Variants in CNTN4 observed in about 807,000 individuals in gnomAD.
CNTN4 encodes the protein contactin 4.
CNTN4 carries 77 observed loss-of-function variants against 122.5 expected under a neutral mutation model. The ratio of observed to expected loss-of-function variants is 0.63; its 90% CI spans 0.52 to 0.76. The LOEUF is 0.76. CNTN4 is among the 30% of genes least tolerant of loss of function. The pLI, the probability that CNTN4 is intolerant of heterozygous loss-of-function variation, is 0.00. For synonymous variants in CNTN4, 512 were observed against 447.0 expected (o/e 1.15, Z -1.83); for missense variants, 1,256 against 1,259.1 (o/e 1.00, Z 0.04).
At chr3:2,394,228 A>G (rs2046553251) in intron 3 of CNTN4, among the ~76,000 whole-genome samples, 1 of 152,124 alleles carries the variant, frequency 6.6e-6, no homozygotes, top group African/African-American at 2.4e-5. Flanking sequence ...GAGTAAAGGA[A>G]GCCCCTAGAG....
At chr3:2,648,424 C>T (rs1051488130) in intron 4 of CNTN4, among the ~76,000 whole-genome samples, 5 of 152,160 alleles carry the variant, frequency 3.3e-5, no homozygotes, top group Admixed American at 3.3e-4. Flanking sequence ...CTCAGTGTCA[C>T]ATTTTTGTAA....
chr3:2,169,815 C>G (rs2036389114), intron 2 of CNTN4, among the ~76,000 whole-genome samples: 1 of 152,126 alleles, frequency 6.6e-6, no homozygotes, highest in Admixed American at 6.5e-5. Flanking sequence ...TATCAATGCT[C>G]TTAGTCAACA....
intron 3 of CNTN4, among the ~76,000 whole-genome samples, chr3:2,422,168 C>T (rs1355247694): frequency 3.9e-5 from 6 of 152,190 alleles, no homozygotes; most frequent in African/African-American, 1.4e-4. Flanking sequence ...ACATCTAGAG[C>T]ACTGCCCATA....
intron 4 of CNTN4, among the ~76,000 whole-genome samples, chr3:2,725,252 T>G (rs2149419701): frequency 6.6e-6 from 1 of 152,250 alleles, no homozygotes; most frequent in South Asian, 2.1e-4. Context: ...ATGCCCTCCT[T>G]AAATAGTGGC....
intron 6 of CNTN4, among the ~76,000 whole-genome samples, chr3:2,747,092 CAA>C (rs201475392): frequency 7.1e-6 from 1 of 141,322 alleles, no homozygotes; most frequent in Admixed American, 7.1e-5. Context: ...AGTATAACAC[CAA>C]AAAAAAAAAA....
chr3:2,742,246 A>G (rs1184063973), intron 5 of CNTN4, among the ~76,000 whole-genome samples: 3 of 152,114 alleles, frequency 2.0e-5, no homozygotes, highest in Non-Finnish European at 4.4e-5. Context: ...TTATTCCCTC[A>G]ACTGAGCCTT....
chr3:2,577,422 A>T (rs549066500), intron 4 of CNTN4, among the ~76,000 whole-genome samples: 188 of 152,344 alleles, frequency 1.2e-3, no homozygotes, highest in African/African-American at 4.4e-3. Context: ...TATAAATATT[A>T]TCTGGGTCCT....
rs547386149 is a variant in CNTN4, at chr3:2,916,658, C to G, written c.1208-8971C>G. ...TCTTTCCTTTCCCCACACTTCCCCC[C>G]CTTCCACTCGACAAAACCGCCATCG... On this transcript the variant is annotated intron_variant, in intron 12 of 24. Coordinates refer to ENST00000418658, the MANE Select transcript of CNTN4 (RefSeq NM_175607.3). Among the ~76,000 whole-genome samples, 18 of 93,220 alleles carry G rather than the reference C, an allele frequency of 1.9e-4. 6 individuals are homozygous for G. Among genetic ancestry groups the G allele is most frequent in the African/African-American group, 1.9e-4 (5 of 26,250 alleles). 61.2% of individuals were successfully genotyped at this position (93,220 alleles called of 152,430 possible).
chr3:2,932,861 C>CA (rs2094534574), intron 13 of CNTN4, among the ~76,000 whole-genome samples: 1 of 151,692 alleles, frequency 6.6e-6, no homozygotes, highest in Non-Finnish European at 1.5e-5. Context: ...CTCGCTCTGT[C>CA]GCCCAGGCTG....
chr3:2,327,235 A>G (rs1351418441), intron 2 of CNTN4, among the ~76,000 whole-genome samples: 2 of 152,086 alleles, frequency 1.3e-5, no homozygotes, highest in Non-Finnish European at 2.9e-5. Flanking sequence ...AAATGTTTGC[A>G]TTCTTCATGT....
intron 3 of CNTN4, among the ~76,000 whole-genome samples, chr3:2,436,323 T>C (rs1189355615): frequency 6.6e-6 from 1 of 152,074 alleles, no homozygotes; most frequent in Non-Finnish European, 1.5e-5. Flanking sequence ...TAAAGAGTTG[T>C]AGGCATCTCT....
intron 2 of CNTN4, among the ~76,000 whole-genome samples, chr3:2,278,454 T>G (rs1365456092): frequency 1.3e-5 from 2 of 152,190 alleles, no homozygotes; most frequent in African/African-American, 4.8e-5. Flanking sequence ...CTGGTCTCTT[T>G]CTGCCAAGGT....
intron 2 of CNTN4, among the ~76,000 whole-genome samples, chr3:2,304,392 G>T (rs1022313416): frequency 1.5e-4 from 22 of 151,712 alleles, no homozygotes; most frequent in Admixed American, 1.3e-3. Context: ...ATATTAGTTG[G>T]ATTATTAATC....
chr3:2,100,875 C>G (rs1024067725), intron 2 of CNTN4, among the ~76,000 whole-genome samples: 3 of 152,114 alleles, frequency 2.0e-5, no homozygotes, highest in African/African-American at 7.2e-5. Flanking sequence ...CATCTGAACC[C>G]TGGGAGGTAG....
chr3:2,849,823 C>A lies in CNTN4; in HGVS notation c.455-16929C>A, dbSNP rs531438456. Among the ~76,000 whole-genome samples the A allele has an allele frequency of 1.7e-4, 26 of 152,240 alleles. No homozygotes were observed. The South Asian group carries it at 4.6e-3, about 27-fold the overall frequency. ...CAGATAATGTGAGTCAGGTGGAGAT[C>A]CACAGCCTTCCTTTAAACAGGCCAG... is the stretch of plus-strand genomic sequence containing the variant. On this transcript the variant is annotated intron_variant, in intron 7 of 24. Coordinates refer to ENST00000418658, the MANE Select transcript of CNTN4 (RefSeq NM_175607.3).
chr3:2,849,930 C>G (rs1442929647), intron 7 of CNTN4, among the ~76,000 whole-genome samples: 1 of 151,848 alleles, frequency 6.6e-6, no homozygotes, highest in Non-Finnish European at 1.5e-5. Context: ...TCATGAGAAG[C>G]CGTATGTGTG....
At chr3:2,537,141 C>G (rs946653142) in intron 3 of CNTN4, among the ~76,000 whole-genome samples, 1 of 151,942 alleles carries the variant, frequency 6.6e-6, no homozygotes, top group African/African-American at 2.4e-5. Context: ...CACATGCGTT[C>G]TATAAGGGAA....
chr3:2,678,673 A>G (rs1375962460), intron 4 of CNTN4, among the ~76,000 whole-genome samples: 1 of 152,136 alleles, frequency 6.6e-6, no homozygotes, highest in Non-Finnish European at 1.5e-5. Flanking sequence ...CCATCTTTGC[A>G]TGGTTGGTTT....
chr3:2,876,871 T>TAAGA (rs2093850664), intron 8 of CNTN4, among the ~76,000 whole-genome samples: 8 of 152,174 alleles, frequency 5.3e-5, no homozygotes, highest in Admixed American at 5.2e-4. Context: ...TAAGATATGT[T>TAAGA]TATTAATGTT....
Sources: gnomAD v4.1 joint callset for allele counts (sites outside exome capture counted in the v4.1 genomes callset) on GRCh38, gnomAD v4.1.1 for gene constraint, MANE v1.5 for transcripts, NCBI Gene and HGNC (gene_info 2026-07-23, HGNC 2026-07-21) for gene names.